Variants in AHCYL2 observed in about 807,000 individuals in gnomAD.
The protein encoded by AHCYL2 is S-adenosylhomocysteine hydrolase-like protein 2.
Under a neutral mutation model 81.4 loss-of-function variants are expected in AHCYL2, and 28 were observed. That is an observed-to-expected ratio of 0.34 (90% CI 0.25 to 0.47). AHCYL2 has a LOEUF of 0.47. Among genes scored for constraint, AHCYL2 ranks in the 20% least tolerant of loss-of-function variants. AHCYL2 has a pLI of 1.00. For synonymous variants in AHCYL2, 272 were observed against 290.2 expected, an observed-to-expected ratio of 0.94 and a Z score of 0.64; for missense variants, 551 against 785.1, an observed-to-expected ratio of 0.70 and a Z score of 3.56.
chr7:129,244,216 A>G (rs9640854), intron 1 of AHCYL2, among the ~76,000 whole-genome samples: 17 of 146,650 alleles, frequency 1.2e-4, no homozygotes, highest in African/African-American at 3.8e-4. Context: ...GTTGCCCAGG[A>G]TGGTGTTGAA....
intron 1 of AHCYL2, among the ~76,000 whole-genome samples, chr7:129,239,841 CATAT>C (rs1794780563): frequency 6.6e-6 from 1 of 151,882 alleles, no homozygotes. Flanking sequence ...ACACTTCCCC[CATAT>C]ATACATAACA....
intron 1 of AHCYL2, among the ~76,000 whole-genome samples, chr7:129,256,603 TATA>T (rs1795438940): frequency 7.0e-6 from 1 of 142,538 alleles, no homozygotes; most frequent in African/African-American, 2.6e-5. Context: ...TTAAAGTCTA[TATA>T]ATATTTCATT....
At chr7:129,241,909 C>A (rs1445858086) in intron 1 of AHCYL2, among the ~76,000 whole-genome samples, 1 of 151,872 alleles carries the variant, frequency 6.6e-6, no homozygotes, top group African/African-American at 2.4e-5. Flanking sequence ...TGTATTCCTT[C>A]TCTATTCATT....
Position 129,352,622 on chromosome 7 carries a change from C to T in AHCYL2, c.364-27016C>T, listed in dbSNP as rs139842167. 4.8e-3 allele frequency among the ~76,000 whole-genome samples: 725 copies of T among 152,294 alleles called. 7 individuals carry two copies. Among genetic ancestry groups the T allele is most frequent in the African/African-American group, 0.017 (690 of 41,576 alleles). On this transcript the variant is annotated intron_variant, in intron 1 of 16. Transcript: ENST00000325006. ...ATTATTTCTTTTTCCTCACCTCCTA[C>T]GTCCAATCCGTTAGCAAGTCTTTTG...
intron 1 of AHCYL2, among the ~76,000 whole-genome samples, chr7:129,318,404 A>G (rs1756966441): frequency 6.6e-6 from 1 of 152,238 alleles, no homozygotes; most frequent in Non-Finnish European, 1.5e-5. Context: ...TTATAAAACA[A>G]AATTTTGGTA....
intron 1 of AHCYL2, among the ~76,000 whole-genome samples, chr7:129,237,831 C>A (rs562617835): frequency 6.6e-6 from 1 of 152,126 alleles, no homozygotes; most frequent in African/African-American, 2.4e-5. Context: ...GTTCAAGCAA[C>A]CCCAGCCTCC....
chr7:129,365,340 TA>T (rs1176975368), intron 1 of AHCYL2, among the ~76,000 whole-genome samples: 9 of 152,086 alleles, frequency 5.9e-5, no homozygotes, highest in African/African-American at 1.9e-4. Flanking sequence ...GGCATTGAGG[TA>T]GGAAAGAACA....
In AHCYL2 at chr7:129,426,934, C is replaced by A; in HGVS notation, c.1830-105C>A. 8.5e-7 allele frequency: 1 copy of A among 1,175,206 alleles called. No homozygotes were observed. Among genetic ancestry groups the A allele is most frequent in the South Asian group, 1.3e-5 (1 of 75,040 alleles). 72.8% of individuals were successfully genotyped at this position (1,175,206 alleles called of 1,614,324 possible). Reference sequence around the variant, plus strand: ...AGTTATTTCCTGTCACTGTACACTCCAGAAAAGTCTCTGCCTCCCTGTTAC... The same window carrying A: ...AGTTATTTCCTGTCACTGTACACTCAAGAAAAGTCTCTGCCTCCCTGTTAC... On this transcript the variant is annotated intron_variant, in intron 16 of 16. Coordinates refer to ENST00000325006, the MANE Select transcript of AHCYL2 (RefSeq NM_015328.4). This position sits in a 1 kb window ranked among gnomAD's most constrained non-coding sequence, Gnocchi z 4.3.
chr7:129,267,237 G>GTGTGTA (rs1554472023), intron 1 of AHCYL2, among the ~76,000 whole-genome samples: 3 of 147,596 alleles, frequency 2.0e-5, no homozygotes, highest in Admixed American at 6.8e-5. Flanking sequence ...AGGGGTGTGT[G>GTGTGTA]TGTGTGTGTG....
chr7:129,275,327 G>A (rs369882406), intron 1 of AHCYL2, among the ~76,000 whole-genome samples: 1 of 152,078 alleles, frequency 6.6e-6, no homozygotes, highest in Non-Finnish European at 1.5e-5. Flanking sequence ...TCATGAACCC[G>A]GGAGGCAGAG....
chr7:129,241,954 A>G (rs1463988245), intron 1 of AHCYL2, among the ~76,000 whole-genome samples: 4 of 152,020 alleles, frequency 2.6e-5, no homozygotes, highest in Non-Finnish European at 2.9e-5. Flanking sequence ...CATAAGGCCC[A>G]CAAAGGTAAC....
At chr7:129,330,544 C>T (rs1340944064) in intron 1 of AHCYL2, among the ~76,000 whole-genome samples, 2 of 150,236 alleles carry the variant, frequency 1.3e-5, no homozygotes, top group African/African-American at 4.9e-5. Context: ...CATCCCAGCT[C>T]ACTGCAAGCT....
intron 1 of AHCYL2, among the ~76,000 whole-genome samples, chr7:129,264,109 C>A (rs918918427): frequency 1.3e-5 from 2 of 152,204 alleles, no homozygotes; most frequent in African/African-American, 4.8e-5. Context: ...GCAAGCTCCA[C>A]CTCCTGGCTT....
At chr7:129,242,889 T>A (rs1294047260) in intron 1 of AHCYL2, among the ~76,000 whole-genome samples, 1 of 152,208 alleles carries the variant, frequency 6.6e-6, no homozygotes. Context: ...TTAATTTGCA[T>A]TTCCTTGGAT....
At chr7:129,235,453 C>T (rs1444419244) in intron 1 of AHCYL2, among the ~76,000 whole-genome samples, 1 of 151,966 alleles carries the variant, frequency 6.6e-6, no homozygotes, top group Non-Finnish European at 1.5e-5. Context: ...GACAGGGTCT[C>T]ACTGTGTCAC....
chr7:129,297,746 A>G (rs1356387421), intron 1 of AHCYL2, among the ~76,000 whole-genome samples: 1 of 152,066 alleles, frequency 6.6e-6, no homozygotes, highest in Non-Finnish European at 1.5e-5. Context: ...ACCTGGCTGG[A>G]TGCAGTGGCT....
chr7:129,233,919 G>A (rs1030126694), intron 1 of AHCYL2, among the ~76,000 whole-genome samples: 4 of 152,098 alleles, frequency 2.6e-5, no homozygotes, highest in African/African-American at 4.8e-5. Flanking sequence ...ATGTGCATCT[G>A]GGACTCATCT....
chr7:129,263,701 C>A (rs541807751), intron 1 of AHCYL2, among the ~76,000 whole-genome samples: 1 of 152,170 alleles, frequency 6.6e-6, no homozygotes, highest in Non-Finnish European at 1.5e-5. Context: ...GTGTCATGAT[C>A]AGATGTGCAT....
At position 129,405,188 on chromosome 7, in the gene AHCYL2, T is replaced by G; in HGVS notation, c.1117T>G (p.Cys373Gly). ...CAAACAGAAATTTGACAACCTCTAC[T>G]GTTGCCGTGAATCAATTCTTGATGG... ...VTKQKFDNLY[C>G]CRESILDGLK... Residue 373 changes from cysteine (C) to glycine (G), a missense_variant, in exon 8 of 17, where the codon TGT becomes GGT. Physicochemically the swap from Cys to Gly is radical, Grantham distance 159. This residue lies in a region of AHCYL2 where 316 missense variants were observed against 543.1 expected (regional missense o/e 0.58). Coordinates refer to ENST00000325006, the MANE Select transcript of AHCYL2 (RefSeq NM_015328.4). 6.2e-7 allele frequency: 1 copy of G among 1,608,854 alleles called. No individual in the cohort carries two copies. Among genetic ancestry groups the G allele is most frequent in the Non-Finnish European group, 8.5e-7 (1 of 1,177,626 alleles).
Sources: gnomAD v4.1 joint callset for allele counts (sites outside exome capture counted in the v4.1 genomes callset) on GRCh38, gnomAD v4.1.1 for gene constraint, gnomAD v4.1.1 regional missense constraint, Gnocchi (gnomAD v3.1) non-coding constraint, MANE v1.5 for transcripts, NCBI Gene and HGNC (gene_info 2026-07-23, HGNC 2026-07-21) for gene names.